The following TLN2 variants were observed in gnomAD, a reference collection of about 807,000 sequenced individuals.
TLN2 encodes talin-2.
A neutral mutation model predicts 294.7 loss-of-function variants in TLN2; 118 were observed. The observed-to-expected ratio is 0.40, with a 90% CI of 0.34 to 0.47. TLN2 has a LOEUF of 0.47. TLN2 is among the 20% of genes least tolerant of loss of function. The pLI is 0.84. For missense variants in TLN2, 3,083 were observed against 3,282.2 expected, an observed-to-expected ratio of 0.94 and a Z score of 1.48; for synonymous variants, 1,431 against 1,304.5, an observed-to-expected ratio of 1.10 and a Z score of -2.09.
At chr15:62,598,177 C>T (rs1029159148) in intron 2 of TLN2, among the ~76,000 whole-genome samples, 1 of 152,184 alleles carries the variant, frequency 6.6e-6, no homozygotes, top group Non-Finnish European at 1.5e-5. Flanking sequence ...TTATCACTGA[C>T]ATTTCACACA....
At chr15:62,706,385 T>G (rs2059072044) in intron 19 of TLN2, among the ~76,000 whole-genome samples, 1 of 152,266 alleles carries the variant, frequency 6.6e-6, no homozygotes, top group Non-Finnish European at 1.5e-5. Context: ...CTCCTCGCAT[T>G]TTCAGTCAGA....
intron 3 of TLN2, among the ~76,000 whole-genome samples, chr15:62,626,992 C>G (rs2049342496): frequency 6.6e-6 from 1 of 152,190 alleles, no homozygotes; most frequent in Non-Finnish European, 1.5e-5. Context: ...GTATTTTAAA[C>G]TCTGCTCCGC....
intron 54 of TLN2, among the ~76,000 whole-genome samples, chr15:62,825,870 A>T (rs1249285049): frequency 7.2e-5 from 7 of 97,136 alleles, no homozygotes; most frequent in South Asian, 3.0e-4. Context: ...ATATATATTT[A>T]TATATATATA....
At chr15:62,709,720 TTTTTTTC>T (rs150340385) in intron 21 of TLN2, among the ~76,000 whole-genome samples, 12,366 of 148,606 alleles carry the variant, frequency 0.083, 645 homozygotes, top group East Asian at 0.22. Flanking sequence ...TTAAAGACTT[TTTTTTTC>T]TTTTTTCTTT....
At chr15:62,506,265 GT>G (rs34212197) in intron 1 of TLN2, among the ~76,000 whole-genome samples, 11,542 of 152,226 alleles carry the variant, frequency 0.076, 509 homozygotes, top group Non-Finnish European at 0.095. Flanking sequence ...ACATTATCTA[GT>G]GGCTGCTGGT....
At chr15:62,564,794 C>A (rs2140614637) in intron 1 of TLN2, among the ~76,000 whole-genome samples, 1 of 151,366 alleles carries the variant, frequency 6.6e-6, no homozygotes, top group African/African-American at 2.4e-5. Context: ...GTACTTCCAG[C>A]TACTGGGGAA....
At chr15:62,834,688 G>C (rs1717132216) in intron 55 of TLN2, 2 of 152,140 alleles carry the variant, frequency 1.3e-5, no homozygotes, top group Non-Finnish European at 2.9e-5. Flanking sequence ...ATCCCCTGTA[G>C]AGCCAGCGGA....
At chr15:62,834,488 G>A (rs2069249118) in intron 55 of TLN2, 1 of 152,228 alleles carries the variant, frequency 6.6e-6, no homozygotes, top group Admixed American at 6.5e-5. Context: ...AGTACAGACA[G>A]GGAGGTTGTG....
intron 1 of TLN2, among the ~76,000 whole-genome samples, chr15:62,426,316 G>C (rs1240722059): frequency 2.0e-5 from 3 of 152,190 alleles, no homozygotes; most frequent in Non-Finnish European, 2.9e-5. Flanking sequence ...GTTTCAGCAG[G>C]CATTTATTAG....
chr15:62,757,895 A>G (rs2062405460), intron 37 of TLN2, among the ~76,000 whole-genome samples: 1 of 152,152 alleles, frequency 6.6e-6, no homozygotes, highest in African/African-American at 2.4e-5. Flanking sequence ...TTTGCTTTTA[A>G]TTTACTAACA....
At chr15:62,460,266 T>G (rs1353182795) in intron 1 of TLN2, among the ~76,000 whole-genome samples, 1 of 151,782 alleles carries the variant, frequency 6.6e-6, no homozygotes, top group Non-Finnish European at 1.5e-5. Flanking sequence ...CATGGTTTTT[T>G]TTTTTTTTTT....
At chr15:62,647,974 C>T (rs888539399) in intron 4 of TLN2, among the ~76,000 whole-genome samples, 2 of 152,138 alleles carry the variant, frequency 1.3e-5, no homozygotes, top group South Asian at 4.1e-4. Context: ...TGAGTTTAAA[C>T]AAAAGCCACT....
rs776640371 is a variant in TLN2, at chr15:62,736,963, G to A, written c.3444G>A (p.Ala1148=). The change falls in exon 29 of 59, where the codon GCG becomes GCA. Residue 1148 remains alanine (A), a synonymous_variant. Transcript: ENST00000636159. ...RGVAASTTDP[A]AAHAMLDSAR... ...TGGCTGCATCGACAACCGACCCCGC[G>A]GCCGCCCATGCCATGTTAGATTCTG... The A allele has an allele frequency of 8.1e-6, 13 of 1,614,040 alleles. 1 individual carries two copies. In the South Asian group the frequency reaches 8.8e-5, roughly 11 times the overall value.
intron 1 of TLN2, among the ~76,000 whole-genome samples, chr15:62,508,235 A>C (rs1421610187): frequency 6.6e-6 from 1 of 152,092 alleles, no homozygotes; most frequent in Admixed American, 6.5e-5. Context: ...ATTTATTTAA[A>C]GACAGAGTTT....
chr15:62,501,914 G>T (rs2039329743), intron 1 of TLN2, among the ~76,000 whole-genome samples: 1 of 152,140 alleles, frequency 6.6e-6, no homozygotes, highest in African/African-American at 2.4e-5. Flanking sequence ...TCCATGGAGG[G>T]TCAAATACCA....
In TLN2 at chr15:62,797,427, G is replaced by A. The variant is rs139835142; in HGVS notation, c.6234+25G>A. 2,789 of 1,560,508 alleles carry A rather than the reference G, an allele frequency of 1.8e-3. 8 individuals are homozygous for A. Among genetic ancestry groups the A allele is most frequent in the Non-Finnish European group, 1.6e-3 (1,865 of 1,160,932 alleles). On this transcript the variant is annotated intron_variant, in intron 48 of 58. Coordinates refer to ENST00000636159, the MANE Select transcript of TLN2 (RefSeq NM_015059.3). The stretch of plus-strand genomic sequence containing the variant: ...GGTACCAGCAGGGCCTGGGGAGTGC[G>A]TCCTCCCGGTCTTCCCGTGAACGCT...
At chr15:62,449,198 A>G (rs1446303984) in intron 1 of TLN2, among the ~76,000 whole-genome samples, 2 of 152,148 alleles carry the variant, frequency 1.3e-5, no homozygotes, top group African/African-American at 2.4e-5. Context: ...TCTTAAGAGG[A>G]GGGGACCCAA....
intron 1 of TLN2, among the ~76,000 whole-genome samples, chr15:62,581,493 G>T (rs2045024554): frequency 6.6e-6 from 1 of 152,084 alleles, no homozygotes; most frequent in Non-Finnish European, 1.5e-5. Context: ...ATTCTTTGTG[G>T]CTTTGTGCTC....
chr15:62,753,639 T>G, intron 35 of TLN2, 134 bp from the exon 36 acceptor site: 2,141 of 966,914 alleles, frequency 2.2e-3, no homozygotes, highest in Non-Finnish European at 2.9e-3. Flanking sequence ...GTGAGCGGGA[T>G]GAGATGACCT....
Sources: gnomAD v4.1 joint callset for allele counts (sites outside exome capture counted in the v4.1 genomes callset) on GRCh38, gnomAD v4.1.1 for gene constraint, MANE v1.5 for transcripts, NCBI Gene and HGNC (gene_info 2026-07-23, HGNC 2026-07-21) for gene names.